The following PLEKHM2 variants were observed in gnomAD, a reference collection of about 807,000 sequenced individuals.
PLEKHM2 encodes the protein pleckstrin homology and RUN domain containing M2.
PLEKHM2 carries 77 observed loss-of-function variants against 116.3 expected under a neutral mutation model. The ratio of observed to expected loss-of-function variants is 0.66; its 90% confidence interval spans 0.55 to 0.80. The LOEUF is 0.80. Among genes scored for constraint, PLEKHM2 ranks in the 30% least tolerant of loss-of-function variants. The pLI, the probability that PLEKHM2 is intolerant of heterozygous loss-of-function variation, is 0.00. For synonymous variants in PLEKHM2, 562 were observed against 571.0 expected, an observed-to-expected ratio of 0.98 and a Z score of 0.22; for missense variants, 1,183 against 1,354.9, an observed-to-expected ratio of 0.87 and a Z score of 1.99.
chr1:15,698,442 C>T (rs947850110), intron 1 of PLEKHM2, among the ~76,000 whole-genome samples: 4 of 151,426 alleles, frequency 2.6e-5, no homozygotes, highest in African/African-American at 4.9e-5. Context: ...TGGGCTCAAG[C>T]GAACTTCCTG....
chr1:15,715,267 T>G (rs1641421804), intron 1 of PLEKHM2, among the ~76,000 whole-genome samples: 1 of 152,216 alleles, frequency 6.6e-6, no homozygotes, highest in Non-Finnish European at 1.5e-5. Context: ...GGAGGATTGT[T>G]TGAATTCAGG....
intron 1 of PLEKHM2, among the ~76,000 whole-genome samples, chr1:15,691,758 A>AT: frequency 6.6e-6 from 1 of 152,052 alleles, no homozygotes. Context: ...ACTTTTTCTC[A>AT]TTTTTCTACT....
chr1:15,717,627 C>T (rs1303165988), intron 3 of PLEKHM2, among the ~76,000 whole-genome samples: 1 of 152,188 alleles, frequency 6.6e-6, no homozygotes, highest in Non-Finnish European at 1.5e-5. Context: ...TGTTAGCCTA[C>T]AGGATCAGTG....
chr1:15,733,881 C>G lies in PLEKHM2; in HGVS notation c.3007C>G (p.Gln1003Glu). 17 of 1,612,994 alleles carry G rather than the reference C, an allele frequency of 1.1e-5. No individual in the cohort carries two copies. Among genetic ancestry groups the G allele is most frequent in the Non-Finnish European group, 1.4e-5 (17 of 1,179,840 alleles). The stretch of plus-strand genomic sequence containing the variant: ...CTTGAGCCTCATCCACAGCGCCTGG[C>G]AGCGGAGCGACAGTCTCTGCCGCGG... ...DALSLIHSAW[Q>E]RSDSLCRGRA... Residue 1003 changes from glutamine to glutamate, a missense_variant, in exon 20 of 20, where the codon CAG (glutamine) becomes GAG (glutamate). By Grantham distance (29) the Gln-to-Glu change is conservative. This residue lies in a region of PLEKHM2 where 594 missense variants were observed against 720.1 expected (regional missense o/e 0.82). Coordinates refer to ENST00000375799, the MANE Select transcript of PLEKHM2 (RefSeq NM_015164.4).
Position 15,727,566 on chromosome 1 carries a change from G to A in PLEKHM2, c.1494G>A (p.Glu498=). The A allele has an allele frequency of 6.3e-7, 1 of 1,575,880 alleles. No homozygotes were observed. Among genetic ancestry groups the A allele is most frequent in the Non-Finnish European group, 8.6e-7 (1 of 1,161,342 alleles). The change falls in exon 9 of 20, where the codon GAG becomes GAA. Residue 498 remains glutamate (E), a synonymous_variant. Transcript: ENST00000375799. The surrounding 1 kb of genome is among the most constrained non-coding windows in gnomAD (Gnocchi z 7.5). ...GQPLHVPSSP[E]AAGQEEEGGG... ...CGCTGCATGTTCCTAGTAGCCCTGA[G>A]GCTGCTGGCCAAGAAGAAGAGGGAG... is the stretch of plus-strand genomic sequence containing the variant.
chr1:15,725,566 A>G (rs1337730066), intron 8 of PLEKHM2, 21 bp downstream of exon 8: 1 of 1,529,104 alleles, frequency 6.5e-7, no homozygotes, highest in South Asian at 1.2e-5. Context: ...AGGGGCCCAG[A>G]AAGGAGCTGA....
intron 3 of PLEKHM2, 137 bp downstream of exon 3, chr1:15,716,953 G>A: frequency 9.3e-7 from 1 of 1,079,652 alleles, no homozygotes; most frequent in Non-Finnish European, 1.3e-6. Flanking sequence ...GCAGTGGGGT[G>A]TTAAAATGCC....
At chr1:15,726,459 T>G (rs1346568897) in intron 8 of PLEKHM2, among the ~76,000 whole-genome samples, 3 of 152,174 alleles carry the variant, frequency 2.0e-5, no homozygotes, top group Admixed American at 2.0e-4. Flanking sequence ...GGCCACCCCA[T>G]GGGCTGGTTC....
chr1:15,729,689 C>T lies in PLEKHM2; in HGVS notation c.2076-108C>T, dbSNP rs1434164336. ...GGTCACTGGGTCTAGCCAGGTCTCTCCCCCAAGTTTCTGTGACCCCTCCAG... is the reference window on the plus strand; with the variant it reads ...GGTCACTGGGTCTAGCCAGGTCTCTTCCCCAAGTTTCTGTGACCCCTCCAG... On this transcript the variant is annotated intron_variant, in intron 13 of 19. Transcript: ENST00000375799. This position sits in a 1 kb window ranked among gnomAD's most constrained non-coding sequence, Gnocchi z 4.7. 1.0e-6 allele frequency: 1 copy of T among 983,416 alleles called. No individual in the cohort carries two copies. Among genetic ancestry groups the T allele is most frequent in the East Asian group, 2.4e-5 (1 of 41,272 alleles). The allele number at this position is 983,416 out of a possible 1,614,324, so 60.9% of individuals were successfully genotyped here. A position where few individuals can be genotyped will look rare whatever the true frequency, so the allele number is the denominator to read the frequency against.
At chr1:15,694,136 G>A (rs1277698623) in intron 1 of PLEKHM2, among the ~76,000 whole-genome samples, 2 of 152,098 alleles carry the variant, frequency 1.3e-5, no homozygotes, top group Non-Finnish European at 2.9e-5. Flanking sequence ...GGCAGATCAC[G>A]AGATCAGGAG....
rs554323301 is a variant in PLEKHM2, at chr1:15,724,131, C to T, written c.713-1186C>T. ...GGGATGTCCAAGCCAGCTCCCCTCT[C>T]GGGGGCCGTGTCAGGGTATGAGTCA... On this transcript the variant is annotated intron_variant, in intron 7 of 19. Coordinates refer to ENST00000375799, the MANE Select transcript of PLEKHM2 (RefSeq NM_015164.4). Among the ~76,000 whole-genome samples the T allele has an allele frequency of 3.9e-5, 6 of 152,264 alleles. No homozygotes were observed. The South Asian group carries it at 6.2e-4, about 16-fold the overall frequency.
chr1:15,681,687 A>T, upstream of PLEKHM2: 1 of 437,102 alleles, frequency 2.3e-6, no homozygotes, highest in Non-Finnish European at 4.7e-6. Context: ...TTCTGACTCC[A>T]CAAACACCTT....
At chr1:15,681,693 A>G (rs2148320196), upstream of PLEKHM2, 1 of 429,384 alleles carries the variant, frequency 2.3e-6, no homozygotes, top group East Asian at 7.2e-5. Flanking sequence ...CTCCACAAAC[A>G]CCTTTGGTAA....
chr1:15,719,873 C>T lies in PLEKHM2; in HGVS notation c.605C>T (p.Ser202Phe). Reference sequence around the variant, plus strand: ...CTCAACTCTTTCAACTCCGTCACCTCCACCAACCTGGAGTGGGATGACAGT... The same window carrying T: ...CTCAACTCTTTCAACTCCGTCACCTTCACCAACCTGGAGTGGGATGACAGT... ...LSLNSFNSVT[S>F]TNLEWDDSAI... Residue 202 changes from serine to phenylalanine, a missense_variant, in exon 6 of 20, where the codon TCC becomes TTC. Ser to Phe is a radical substitution (Grantham distance 155, BLOSUM62 -2). Around this residue, in one of 3 missense-constraint regions of PLEKHM2, gnomAD observed 217 missense variants for 277.6 expected, o/e 0.78. Coordinates refer to ENST00000375799, the MANE Select transcript of PLEKHM2 (RefSeq NM_015164.4). This position sits in a 1 kb window ranked among gnomAD's most constrained non-coding sequence, Gnocchi z 4.1. The T allele has an allele frequency of 1.2e-6, 2 of 1,613,852 alleles. No individual in the cohort carries two copies. Among genetic ancestry groups the T allele is most frequent in the South Asian group, 1.1e-5 (1 of 91,050 alleles).
intron 1 of PLEKHM2, among the ~76,000 whole-genome samples, chr1:15,712,228 G>T (rs555525933): frequency 6.6e-6 from 1 of 152,020 alleles, no homozygotes; most frequent in Non-Finnish European, 1.5e-5. Flanking sequence ...AGAGAAACAC[G>T]TGGCTAATAT....
rs187625663 is a variant in PLEKHM2 at position 15,701,781 on chromosome 1, A to G, written c.61-14456A>G. Among the ~76,000 whole-genome samples the G allele has an allele frequency of 1.1e-3, 172 of 152,272 alleles. 2 individuals carry two copies. Among genetic ancestry groups the G allele is most frequent in the Admixed American group, 8.3e-3 (127 of 15,296 alleles). On this transcript the variant is annotated intron_variant, in intron 1 of 19. Coordinates refer to ENST00000375799, the MANE Select transcript of PLEKHM2 (RefSeq NM_015164.4). ...ACTCCAGCCTGGGGAACACAGCGAG[A>G]ATCCCTCTCAAAAAAGAAAAGAAAA...
In PLEKHM2 at chr1:15,684,394, G is replaced by A. The variant is rs1381808507; in HGVS notation, c.-165G>A. ...GCCGCGGTGGAGCGAGGGCCCAGGCGAGGCGAGGGCCGGGCGGCGGGCGCC... is the reference window on the plus strand; with the variant it reads ...GCCGCGGTGGAGCGAGGGCCCAGGCAAGGCGAGGGCCGGGCGGCGGGCGCC... On this transcript the variant is annotated 5_prime_UTR_variant, in exon 1 of 20. Transcript: ENST00000375799. 5.2e-6 allele frequency: 1 copy of A among 193,908 alleles called. No individual in the cohort carries two copies. Among genetic ancestry groups the A allele is most frequent in the African/African-American group, 2.4e-5 (1 of 41,644 alleles). 12.0% of individuals were successfully genotyped at this position (193,908 alleles called of 1,614,324 possible).
intron 1 of PLEKHM2, among the ~76,000 whole-genome samples, chr1:15,704,501 C>T (rs1641182252): frequency 6.6e-6 from 1 of 152,128 alleles, no homozygotes; most frequent in African/African-American, 2.4e-5. Flanking sequence ...TATTTCAGTA[C>T]GTATTGTTAA....
At chr1:15,689,258 A>AG (rs909654379) in intron 1 of PLEKHM2, among the ~76,000 whole-genome samples, 6 of 151,514 alleles carry the variant, frequency 4.0e-5, no homozygotes, top group African/African-American at 9.7e-5. Context: ...AAAAAAAAAA[A>AG]AAAGAAAGAA....
Sources: gnomAD v4.1 joint callset for allele counts (sites outside exome capture counted in the v4.1 genomes callset) on GRCh38, gnomAD v4.1.1 for gene constraint, gnomAD v4.1.1 regional missense constraint, Gnocchi (gnomAD v3.1) non-coding constraint, MANE v1.5 for transcripts, NCBI Gene and HGNC (gene_info 2026-07-23, HGNC 2026-07-21) for gene names.